The following TCOF1 variants were observed in gnomAD, a reference collection of about 807,000 sequenced individuals.
The protein encoded by TCOF1 is treacle ribosome biogenesis factor 1.
A neutral mutation model predicts 149.0 loss-of-function variants in TCOF1; 33 were observed. The observed-to-expected ratio is 0.22, with a 90% CI of 0.17 to 0.30. The LOEUF is 0.30. TCOF1 is among the 10% of genes least tolerant of loss of function. The pLI is 1.00. For missense variants in TCOF1, 1,728 were observed against 1,840.7 expected (o/e 0.94, Z 1.12); for synonymous variants, 789 against 738.8 (o/e 1.07, Z -1.10).
At chr5:150,398,498 C>G (rs1272664857) in intron 25 of TCOF1, 47 bp downstream of exon 25, 14 of 1,613,026 alleles carry the variant, frequency 8.7e-6, no homozygotes, top group Admixed American at 1.7e-5. Context: ...GACCCAAACC[C>G]AAGCCCCCTC....
At position 150,369,570 on chromosome 5, in the gene TCOF1, A is replaced by G; in HGVS notation, c.607A>G (p.Thr203Ala). 1 of 1,613,974 alleles carries G rather than the reference A, an allele frequency of 6.2e-7. No homozygotes were observed. The highest frequency in any genetic ancestry group is 8.5e-7 in the Non-Finnish European group (1 of 1,179,990). The change falls in exon 6 of 27, where the codon ACC becomes GCC. Residue 203 changes from threonine to alanine, a missense_variant. Transcript: ENST00000643257. ...AGQADSSSED[T>A]SSSSDETDVE... ...CCAGGCCGACAGCTCCAGCGAGGAC[A>G]CCTCCAGCTCCAGTGATGAGACAGA...
chr5:150,394,253 C>T (rs943117321), intron 23 of TCOF1: 1 of 152,970 alleles, frequency 6.5e-6, no homozygotes, highest in African/African-American at 2.4e-5. Context: ...CAGAGGATAG[C>T]TTAGACAATA....
chr5:150,377,905 T>C (rs1361835595), intron 14 of TCOF1, among the ~76,000 whole-genome samples: 1 of 152,268 alleles, frequency 6.6e-6, no homozygotes, highest in African/African-American at 2.4e-5. Flanking sequence ...TTCTTTTTGT[T>C]GATTTCTAAT....
chr5:150,366,022 T>G (rs1761266986), intron 3 of TCOF1, among the ~76,000 whole-genome samples: 1 of 149,888 alleles, frequency 6.7e-6, no homozygotes, highest in African/African-American at 2.5e-5. Context: ...CTAGGAGGCC[T>G]GAGGTGGGAG....
rs15251 is a variant in TCOF1 at position 150,396,669 on chromosome 5, C to T, written c.4172C>T (p.Ala1391Val). Residue 1391 changes from alanine (A) to valine (V), a missense_variant, in exon 24 of 27, where the codon GCA becomes GTA. This residue lies in a region of TCOF1 where 1,696 missense variants were observed against 1,765.4 expected (regional missense o/e 0.96). Coordinates refer to ENST00000643257, the MANE Select transcript of TCOF1 (RefSeq NM_001371623.1). The stretch of plus-strand genomic sequence containing the variant: ...ACCTCCACGACTTCCAAGGGGAAAG[C>T]AAAGAGAGACAAAGCAAGTGGTGAT... The part of the protein sequence containing the change: ...EKTSTTSKGK[A>V]KRDKASGDVK... The T allele has an allele frequency of 0.26, 424,591 of 1,610,116 alleles. 58,602 individuals carry two copies. The highest frequency in any genetic ancestry group is 0.36 in the South Asian group (32,744 of 90,630).
chr5:150,393,642 C>A, intron 23 of TCOF1, 90 bp downstream of exon 23: 1 of 1,534,150 alleles, frequency 6.5e-7, no homozygotes, highest in South Asian at 1.2e-5. Context: ...ACAGTCCTCC[C>A]AACATGGTCC....
At chr5:150,374,480 C>T (rs201781494) in intron 8 of TCOF1, 94 bp downstream of exon 8, 29 of 1,548,704 alleles carry the variant, frequency 1.9e-5, no homozygotes, top group East Asian at 1.4e-4. Context: ...GAGCCCCGGG[C>T]GTGCCTCAGA....
In TCOF1 at chr5:150,396,470, G is replaced by A. The variant is rs1157784154; in HGVS notation, c.3973G>A (p.Glu1325Lys). 6.2e-7 allele frequency: 1 copy of A among 1,613,968 alleles called. No homozygotes were observed. The highest frequency in any genetic ancestry group is 1.1e-5 in the South Asian group (1 of 91,074). Residue 1325 changes from glutamate (E) to lysine (K), a missense_variant, in exon 24 of 27, where the codon GAA becomes AAA. Around this residue, in one of 2 missense-constraint regions of TCOF1, gnomAD observed 1,696 missense variants for 1,765.4 expected, o/e 0.96. Transcript: ENST00000643257. ...GGTGAAGGTCCTGACTGAGCTGCTGGAACAGGAAAGAAAGAAGGTGGTGGA... is the reference window on the plus strand; with the variant it reads ...GGTGAAGGTCCTGACTGAGCTGCTGAAACAGGAAAGAAAGAAGGTGGTGGA... ...SVVKVLTELL[E>K]QERKKVVDTT...
intron 17 of TCOF1, 55 bp from the exon 18 acceptor site, chr5:150,387,847 T>C (rs1160970313): frequency 4.3e-6 from 7 of 1,611,858 alleles, no homozygotes; most frequent in Non-Finnish European, 5.9e-6. Context: ...CATCACCTCC[T>C]TTCCCTGGCC....
intron 3 of TCOF1, among the ~76,000 whole-genome samples, chr5:150,366,311 A>G (rs564357170): frequency 5.5e-4 from 83 of 151,914 alleles, no homozygotes; most frequent in East Asian, 1.9e-3. Context: ...TGAATGTGCC[A>G]CTGTACTCCA....
intron 7 of TCOF1, among the ~76,000 whole-genome samples, chr5:150,373,403 G>T (rs1345678781): frequency 6.6e-6 from 1 of 152,224 alleles, no homozygotes; most frequent in Non-Finnish European, 1.5e-5. Flanking sequence ...TTAAAAAGGA[G>T]CTAGCCAAGC....
At chr5:150,395,787 A>G (rs1043733901) in intron 23 of TCOF1, among the ~76,000 whole-genome samples, 9 of 152,040 alleles carry the variant, frequency 5.9e-5, no homozygotes, top group Admixed American at 2.6e-4. Context: ...TAAATCTACA[A>G]TGTATCATAG....
In TCOF1 at chr5:150,398,354, GAAAAAAAGACAAAGA is replaced by G; in HGVS notation, c.4356_4370del (p.Asp1452_Lys1456del). 1.9e-6 allele frequency: 3 copies of G among 1,610,728 alleles called. No homozygotes were observed. Among genetic ancestry groups the G allele is most frequent in the African/African-American group, 1.4e-5 (1 of 74,030 alleles). The stretch of plus-strand genomic sequence containing the variant: ...AGGAACTTTACTTTACTTCCCTTAG[GAAAAAAAGACAAAGA>G]AAAAAAAGAAAAGAAGAAGAAAGCA... On this transcript the variant is annotated inframe_deletion and splice_region_variant, in exon 25 of 27. Coordinates refer to ENST00000643257, the MANE Select transcript of TCOF1 (RefSeq NM_001371623.1).
intron 18 of TCOF1, among the ~76,000 whole-genome samples, chr5:150,389,617 T>C (rs577484545): frequency 6.6e-6 from 1 of 152,156 alleles, no homozygotes; most frequent in Admixed American, 6.5e-5. Flanking sequence ...TGCTCAGGAG[T>C]GGCAGCCCGA....
At chr5:150,381,418 T>C (rs1234983723) in intron 17 of TCOF1, among the ~76,000 whole-genome samples, 1 of 152,156 alleles carries the variant, frequency 6.6e-6, no homozygotes, top group Non-Finnish European at 1.5e-5. Flanking sequence ...TGCTGACAGC[T>C]GAAAGAGCAG....
Position 150,396,145 on chromosome 5 carries a change from C to T in TCOF1, c.3785-137C>T, listed in dbSNP as rs548197035. 1.2e-4 allele frequency: 117 copies of T among 988,590 alleles called. 1 individual carries two copies. Among genetic ancestry groups the T allele is most frequent in the Middle Eastern group, 6.3e-4 (2 of 3,180 alleles). 61.2% of individuals were successfully genotyped at this position (988,590 alleles called of 1,614,324 possible). A position where few individuals can be genotyped will look rare whatever the true frequency, so the allele number is the denominator to read the frequency against. On this transcript the variant is annotated intron_variant, in intron 23 of 26. Transcript: ENST00000643257. ...AGGAGACCAGCTGGGGCAGAGTGAC[C>T]GCCAAGCCTTGCTCTCCCCATCTGT...
intron 2 of TCOF1, 43 bp downstream of exon 2, chr5:150,361,254 C>A: frequency 6.2e-7 from 1 of 1,606,882 alleles, no homozygotes; most frequent in Non-Finnish European, 8.5e-7. Flanking sequence ...ACGGACACCC[C>A]AAGCAACTCA....
In TCOF1 at chr5:150,364,200, C is replaced by T. The variant is rs772865214; in HGVS notation, c.252C>T (p.Thr84=). 6 of 1,614,024 alleles carry T rather than the reference C, an allele frequency of 3.7e-6. No individual in the cohort carries two copies. Among genetic ancestry groups the T allele is most frequent in the Non-Finnish European group, 4.2e-6 (5 of 1,180,030 alleles). Residue 84 remains threonine, a synonymous_variant, in exon 3 of 27, where the codon ACC becomes ACT. Coordinates refer to ENST00000643257, the MANE Select transcript of TCOF1 (RefSeq NM_001371623.1). Reference sequence around the variant, plus strand: ...CCCGTGTGTCAGACCCCATCAGCACCTCGGAGAGCTCGGAAGAGGAGGAAG... The same window carrying T: ...CCCGTGTGTCAGACCCCATCAGCACTTCGGAGAGCTCGGAAGAGGAGGAAG... ...KKTRVSDPIS[T]SESSEEEEEA...
intron 2 of TCOF1, among the ~76,000 whole-genome samples, chr5:150,362,749 C>T (rs1052525054): frequency 6.6e-6 from 1 of 152,180 alleles, no homozygotes; most frequent in African/African-American, 2.4e-5. Context: ...GCACAGGGCA[C>T]AGCCCACACT....
Sources: allele counts gnomAD v4.1 joint callset (sites outside exome capture counted in the v4.1 genomes callset), GRCh38; gene constraint gnomAD v4.1.1; regional missense constraint gnomAD v4.1.1; transcripts MANE v1.5; gene names NCBI Gene and HGNC (gene_info 2026-07-23, HGNC 2026-07-21).